SP100: variants seen among roughly 807,000 people sequenced by gnomAD.
SP100 encodes SP100 nuclear body protein.
In SP100, 84 loss-of-function variants were observed where a neutral mutation model predicts 130.0. That is an observed-to-expected ratio of 0.65 (90% CI 0.54 to 0.77). The LOEUF (loss-of-function observed/expected upper bound fraction) is 0.77, where lower values mean the gene tolerates loss of function less well. SP100 is among the 30% of genes least tolerant of loss of function. The pLI, the probability that SP100 is intolerant of heterozygous loss-of-function variation, is 0.00. For synonymous variants in SP100, 331 were observed against 351.7 expected (o/e 0.94, Z 0.66); for missense variants, 978 against 1,052.2 (o/e 0.93, Z 0.97).
At chr2:230,419,767 G>C (rs536467301) in intron 2 of SP100, among the ~76,000 whole-genome samples, 1 of 152,284 alleles carries the variant, frequency 6.6e-6, no homozygotes, top group South Asian at 2.1e-4. Flanking sequence ...TATATGCAGA[G>C]TTTGGTACTA....
At chr2:230,417,402 A>G (rs1179952254) in intron 1 of SP100, among the ~76,000 whole-genome samples, 189 bp from the exon 2 acceptor site, 6 of 152,216 alleles carry the variant, frequency 3.9e-5, no homozygotes, top group Non-Finnish European at 8.8e-5. Context: ...TTATTCTCCA[A>G]TTGAAGGACA....
intron 2 of SP100, among the ~76,000 whole-genome samples, chr2:230,424,141 G>A (rs1229736084): frequency 6.6e-6 from 1 of 152,170 alleles, no homozygotes; most frequent in Non-Finnish European, 1.5e-5. Context: ...TAAAATGACG[G>A]TATTAATAAT....
intron 2 of SP100, among the ~76,000 whole-genome samples, chr2:230,438,734 A>G (rs1575606114): frequency 6.6e-6 from 1 of 151,954 alleles, no homozygotes; most frequent in Non-Finnish European, 1.5e-5. Flanking sequence ...ATATATACAT[A>G]TATATATCAC....
rs1008821507 is a variant in SP100 at position 230,504,211 on chromosome 2, T to C, written c.1791T>C (p.Asn597=). The change falls in exon 21 of 29, where the codon AAT becomes AAC. Residue 597 remains asparagine (N), a synonymous_variant. Transcript: ENST00000340126. The part of the protein sequence containing the change: ...KRGPRIPKDE[N]INFKQSELPV... Reference sequence around the variant, plus strand: ...GTCCAAGAATTCCCAAAGATGAAAATATTAATTTTAAACAATCTGAACTTC... The same window carrying C: ...GTCCAAGAATTCCCAAAGATGAAAACATTAATTTTAAACAATCTGAACTTC... The C allele has an allele frequency of 1.9e-6, 3 of 1,611,414 alleles. No individual in the cohort carries two copies. Among genetic ancestry groups the C allele is most frequent in the East Asian group, 2.2e-5 (1 of 44,854 alleles).
intron 24 of SP100, chr2:230,515,870 A>G: frequency 7.9e-7 from 1 of 1,261,976 alleles, no homozygotes; most frequent in Non-Finnish European, 1.0e-6. Flanking sequence ...GGGGTTGTAA[A>G]TTGGCATGGA....
chr2:230,455,170 G>C (rs1036423800), intron 8 of SP100, among the ~76,000 whole-genome samples: 2 of 152,040 alleles, frequency 1.3e-5, no homozygotes, highest in Non-Finnish European at 2.9e-5. Context: ...AACCTCCTGG[G>C]CTCAGGCAAT....
chr2:230,535,390 AG>A (rs774310262), intron 24 of SP100, among the ~76,000 whole-genome samples: 1 of 152,208 alleles, frequency 6.6e-6, no homozygotes, highest in Non-Finnish European at 1.5e-5. Flanking sequence ...TATGAAGCAG[AG>A]CAGGAGTTAG....
At chr2:230,458,196 C>T (rs934158222) in intron 8 of SP100, among the ~76,000 whole-genome samples, 3 of 152,212 alleles carry the variant, frequency 2.0e-5, no homozygotes, top group East Asian at 1.9e-4. Flanking sequence ...TGACCAGAAG[C>T]CTTACTGATA....
At chr2:230,440,711 G>C (rs1392576535) in intron 2 of SP100, among the ~76,000 whole-genome samples, 2 of 152,032 alleles carry the variant, frequency 1.3e-5, no homozygotes, top group Non-Finnish European at 2.9e-5. Context: ...AAAAGATAAT[G>C]TATAAAAGCA....
At chr2:230,532,932 C>G (rs961311834) in intron 24 of SP100, among the ~76,000 whole-genome samples, 10 of 152,172 alleles carry the variant, frequency 6.6e-5, no homozygotes, top group African/African-American at 1.4e-4. Context: ...AGGCGCCCAC[C>G]ACCACGCCTG....
At chr2:230,505,592 T>G (rs765032502) in intron 21 of SP100, among the ~76,000 whole-genome samples, 8 of 152,256 alleles carry the variant, frequency 5.3e-5, no homozygotes, top group Non-Finnish European at 8.8e-5. Flanking sequence ...AAAACAGACA[T>G]AAAATACTTT....
intron 2 of SP100, among the ~76,000 whole-genome samples, chr2:230,438,673 A>T (rs552552533): frequency 6.6e-6 from 1 of 151,536 alleles, no homozygotes; most frequent in South Asian, 2.1e-4. Flanking sequence ...ACACACACAC[A>T]CACACACACA....
intron 8 of SP100, among the ~76,000 whole-genome samples, chr2:230,456,096 G>A (rs2064263786): frequency 6.6e-6 from 1 of 152,108 alleles, no homozygotes; most frequent in Non-Finnish European, 1.5e-5. Context: ...AGGTCTGGTG[G>A]TAATGAATGT....
intron 2 of SP100, among the ~76,000 whole-genome samples, chr2:230,438,660 C>A (rs1458550622): frequency 6.7e-6 from 1 of 148,956 alleles, no homozygotes; most frequent in Non-Finnish European, 1.5e-5. Flanking sequence ...CACACACACA[C>A]ACACACACAC....
chr2:230,452,331 C>A (rs2149932963), intron 8 of SP100, among the ~76,000 whole-genome samples: 1 of 152,230 alleles, frequency 6.6e-6, no homozygotes, highest in Middle Eastern at 3.4e-3. Flanking sequence ...GCATACTCCA[C>A]CACGCCCAGC....
intron 2 of SP100, among the ~76,000 whole-genome samples, chr2:230,439,066 C>G (rs923758203): frequency 6.6e-6 from 1 of 152,024 alleles, no homozygotes. Flanking sequence ...AAGGTGGTAT[C>G]GCATTGTGGT....
At chr2:230,533,692 A>G (rs969256130) in intron 24 of SP100, among the ~76,000 whole-genome samples, 4 of 152,204 alleles carry the variant, frequency 2.6e-5, no homozygotes, top group Admixed American at 1.3e-4. Context: ...GTCATGGCAG[A>G]TGTGGACATG....
chr2:230,486,543 G>C (rs1033766649), intron 17 of SP100, among the ~76,000 whole-genome samples: 3 of 152,130 alleles, frequency 2.0e-5, no homozygotes, highest in Non-Finnish European at 4.4e-5. Context: ...CCATGGTGTA[G>C]ATGTACCACA....
At chr2:230,519,048 T>C (rs1275972252) in intron 24 of SP100, among the ~76,000 whole-genome samples, 1 of 152,192 alleles carries the variant, frequency 6.6e-6, no homozygotes, top group African/African-American at 2.4e-5. Context: ...ATTGTGCCTT[T>C]CAAAATGGTA....
Sources: allele counts gnomAD v4.1 joint callset (sites outside exome capture counted in the v4.1 genomes callset), GRCh38; gene constraint gnomAD v4.1.1; transcripts MANE v1.5; gene names NCBI Gene and HGNC (gene_info 2026-07-23, HGNC 2026-07-21).